The following ARMC8 variants were observed in gnomAD, a reference collection of about 807,000 sequenced individuals.
ARMC8 encodes the protein armadillo repeat containing 8.
ARMC8 carries 20 observed loss-of-function variants against 99.3 expected under a neutral mutation model. The observed-to-expected ratio is 0.20, with a 90% CI of 0.14 to 0.29. The LOEUF is 0.29. ARMC8 is among the 10% of genes least tolerant of loss of function. ARMC8 has a pLI of 1.00. For synonymous variants in ARMC8, 263 were observed against 278.3 expected (o/e 0.95, Z 0.55); for missense variants, 569 against 809.5 (o/e 0.70, Z 3.60).
At chr3:138,197,580 T>A (rs1209615393) in intron 1 of ARMC8, among the ~76,000 whole-genome samples, 1 of 152,232 alleles carries the variant, frequency 6.6e-6, no homozygotes, top group Admixed American at 6.5e-5. Context: ...AGTGGACTTC[T>A]TGGGTCATCT....
chr3:138,271,798 C>CTTTTTTTTTT (rs776320900), intron 16 of ARMC8, among the ~76,000 whole-genome samples: 137 of 136,124 alleles, frequency 1.0e-3, no homozygotes, highest in African/African-American at 3.7e-3. Flanking sequence ...TTTTTTCTTT[C>CTTTTTTTTTT]TTTTTTTTTT....
chr3:138,188,991 G>A (rs2043228250), intron 1 of ARMC8, among the ~76,000 whole-genome samples: 1 of 152,064 alleles, frequency 6.6e-6, no homozygotes, highest in Non-Finnish European at 1.5e-5. Flanking sequence ...TGGGAGTGCA[G>A]GCCAATGACT....
At chr3:138,235,823 T>G (rs1159047043) in intron 7 of ARMC8, among the ~76,000 whole-genome samples, 3 of 148,206 alleles carry the variant, frequency 2.0e-5, no homozygotes. Flanking sequence ...TTTTTTTTTT[T>G]GAGACAGAGT....
intron 16 of ARMC8, among the ~76,000 whole-genome samples, chr3:138,272,559 G>A (rs2048894854): frequency 6.6e-6 from 1 of 152,136 alleles, no homozygotes; most frequent in South Asian, 2.1e-4. Context: ...AAGATTTTCT[G>A]CAGATTCTGT....
rs528848102 is a variant in ARMC8, at chr3:138,280,963, T to TA, written c.1726-3466dup. Among the ~76,000 whole-genome samples the TA allele has an allele frequency of 3.3e-4, 51 of 152,254 alleles. No individual in the cohort carries two copies. The East Asian group carries it at 5.8e-3, about 17-fold the overall frequency. ...TTCAGAGTTTAGCCAACTGTTTCTT[T>TA]AAGAGGCAAGGTATATATTTCAATT... On this transcript the variant is annotated intron_variant, in intron 18 of 21. Coordinates refer to ENST00000469044, the MANE Select transcript of ARMC8 (RefSeq NM_001363941.2).
chr3:138,293,952 CT>C (rs774253948), intron 21 of ARMC8, among the ~76,000 whole-genome samples: 1 of 152,144 alleles, frequency 6.6e-6, no homozygotes, highest in African/African-American at 2.4e-5. Flanking sequence ...GAATCAAGGT[CT>C]GAGCTACCCA....
chr3:138,197,220 A>C (rs1487419755), intron 1 of ARMC8, among the ~76,000 whole-genome samples: 1 of 152,224 alleles, frequency 6.6e-6, no homozygotes, highest in Non-Finnish European at 1.5e-5. Flanking sequence ...CAGGTCTGAC[A>C]GATCTTGAGT....
chr3:138,208,276 G>A (rs2044498472), intron 1 of ARMC8, among the ~76,000 whole-genome samples: 1 of 152,132 alleles, frequency 6.6e-6, no homozygotes, highest in Non-Finnish European at 1.5e-5. Flanking sequence ...GACCAGCCTG[G>A]CCAACATGGT....
intron 1 of ARMC8, among the ~76,000 whole-genome samples, chr3:138,202,825 T>C (rs547012082): frequency 1.3e-5 from 2 of 152,324 alleles, no homozygotes; most frequent in African/African-American, 4.8e-5. Flanking sequence ...TATTTTCCTA[T>C]TAGCCTTCAA....
At chr3:138,189,156 A>C (rs888559031) in intron 1 of ARMC8, among the ~76,000 whole-genome samples, 1 of 152,032 alleles carries the variant, frequency 6.6e-6, no homozygotes, top group African/African-American at 2.4e-5. Flanking sequence ...GAAAGTTTTC[A>C]TTTGTTTCAC....
At chr3:138,198,659 C>T (rs188249490) in intron 1 of ARMC8, among the ~76,000 whole-genome samples, 94 of 152,022 alleles carry the variant, frequency 6.2e-4, no homozygotes, top group African/African-American at 2.2e-3. Flanking sequence ...ACTGCAGGTG[C>T]GTGCCACCAC....
intron 9 of ARMC8, chr3:138,238,737 T>C (rs1206174868): frequency 2.0e-5 from 3 of 152,218 alleles, no homozygotes; most frequent in Non-Finnish European, 4.4e-5. Flanking sequence ...GTAAAATGAT[T>C]TTACCTGTTT....
At chr3:138,237,458 CATT>C (rs768754177) in intron 8 of ARMC8, 21 bp from the exon 9 acceptor site, 55 of 1,611,286 alleles carry the variant, frequency 3.4e-5, no homozygotes, top group East Asian at 8.9e-5. Context: ...TTTCCTTAAT[CATT>C]GTTGTTTGTT....
At position 138,255,213 on chromosome 3, in the gene ARMC8, T is replaced by G. The variant is rs541691512; in HGVS notation, c.1135-8526T>G. ...TCTGTTTTTTTTTTTTTTGTTTTTTTTTTTTTTGAGATGGAGTCTCGCTCT... is the reference window on the plus strand; with the variant it reads ...TCTGTTTTTTTTTTTTTTGTTTTTTGTTTTTTTGAGATGGAGTCTCGCTCT... On this transcript the variant is annotated intron_variant, in intron 12 of 21. Coordinates refer to ENST00000469044, the MANE Select transcript of ARMC8 (RefSeq NM_001363941.2). Among the ~76,000 whole-genome samples the G allele has an allele frequency of 1.0e-3, 154 of 147,936 alleles. 1 individual carries two copies. The highest frequency in any genetic ancestry group is 7.3e-3 in the East Asian group (37 of 5,096).
At chr3:138,240,082 A>G (rs1308376623) in intron 10 of ARMC8, among the ~76,000 whole-genome samples, 1 of 152,090 alleles carries the variant, frequency 6.6e-6, no homozygotes, top group African/African-American at 2.4e-5. Context: ...TAGCACTCCC[A>G]CCTCTGACTG....
Position 138,223,544 on chromosome 3 carries a change from GC to G in ARMC8, c.337+15del, listed in dbSNP as rs1559947763. On this transcript the variant is annotated intron_variant, in intron 4 of 21. Coordinates refer to ENST00000469044, the MANE Select transcript of ARMC8 (RefSeq NM_001363941.2). ...GCCTTATTGCAAGGTATGTAGGGAAGCCATTTTTGCTCAATTAAGGTTAAGA... is the reference window on the plus strand; with the variant it reads ...GCCTTATTGCAAGGTATGTAGGGAAGCATTTTTGCTCAATTAAGGTTAAGA... 6.2e-7 allele frequency: 1 copy of G among 1,614,126 alleles called. No individual in the cohort carries two copies.
chr3:138,246,922 T>C (rs2046908861), intron 12 of ARMC8: 1 of 789,018 alleles, frequency 1.3e-6, no homozygotes, highest in South Asian at 5.8e-5. Flanking sequence ...GATACTGTGA[T>C]ATTATGTAAT....
At chr3:138,293,587 T>TG (rs1209855743) in intron 21 of ARMC8, among the ~76,000 whole-genome samples, 2 of 151,706 alleles carry the variant, frequency 1.3e-5, no homozygotes, top group African/African-American at 4.8e-5. Context: ...AGCCCAAGGC[T>TG]GCTGGTCAGA....
chr3:138,252,517 G>A (rs1463850323), intron 12 of ARMC8, among the ~76,000 whole-genome samples: 6 of 147,400 alleles, frequency 4.1e-5, no homozygotes, highest in African/African-American at 1.5e-4. Flanking sequence ...GCTGTGGCAC[G>A]ATCTCGGCTC....
Sources: allele counts gnomAD v4.1 joint callset (sites outside exome capture counted in the v4.1 genomes callset), GRCh38; gene constraint gnomAD v4.1.1; transcripts MANE v1.5; gene names NCBI Gene and HGNC (gene_info 2026-07-23, HGNC 2026-07-21).